The following SPTBN1 variants were observed in gnomAD, a reference collection of about 807,000 sequenced individuals.
SPTBN1 encodes the protein spectrin beta chain, non-erythrocytic 1.
In SPTBN1, 32 loss-of-function variants were observed where a neutral mutation model predicts 266.4. The observed-to-expected ratio is 0.12, with a 90% CI of 0.09 to 0.16. The LOEUF (loss-of-function observed/expected upper bound fraction) is 0.16, where lower values mean the gene tolerates loss of function less well. Ranked by LOEUF, SPTBN1 falls within the 10% of genes least tolerant of loss-of-function variation. The pLI is 1.00. For synonymous variants in SPTBN1, 1,336 were observed against 1,162.2 expected (o/e 1.15, Z -3.04); for missense variants, 2,296 against 3,067.1 (o/e 0.75, Z 5.94).
intron 1 of SPTBN1, among the ~76,000 whole-genome samples, chr2:54,508,747 G>A (rs538728693): frequency 1.6e-4 from 24 of 152,296 alleles, no homozygotes; most frequent in Admixed American, 1.4e-3. Flanking sequence ...TGGAACGCTA[G>A]CTGCTTTTTT....
At chr2:54,599,524 T>C (rs1211232775) in intron 3 of SPTBN1, among the ~76,000 whole-genome samples, 1 of 152,182 alleles carries the variant, frequency 6.6e-6, no homozygotes, top group Non-Finnish European at 1.5e-5. Context: ...GAACAGGGCA[T>C]GGTGCTGGAA....
rs191273975 is a variant in SPTBN1 at position 54,527,205 on chromosome 2, G to C, written c.148+639G>C. On this transcript the variant is annotated intron_variant, in intron 2 of 35. Transcript: ENST00000356805. ...CCTGAAAATCAGGAAAGCGTTCTGT[G>C]GCTCTGAAAACTCAGCTGTACTGAA... The C allele has an allele frequency of 1.1e-4, 16 of 152,282 alleles. No homozygotes were observed. In the East Asian group the frequency reaches 2.5e-3, roughly 24 times the overall value. The allele number at this position is 152,282 out of a possible 1,614,324, so 9.4% of individuals were successfully genotyped here.
At chr2:54,523,918 AGCCGG>A (rs975604772) in intron 1 of SPTBN1, among the ~76,000 whole-genome samples, 1 of 152,190 alleles carries the variant, frequency 6.6e-6, no homozygotes, top group African/African-American at 2.4e-5. Flanking sequence ...TGTTGATAAC[AGCCGG>A]GCATGGTGGC....
intron 2 of SPTBN1, among the ~76,000 whole-genome samples, chr2:54,546,844 A>C (rs1324393985): frequency 6.6e-6 from 1 of 152,154 alleles, no homozygotes; most frequent in African/African-American, 2.4e-5. Context: ...TTTGAGCTTC[A>C]GCATCATAGG....
At position 54,626,224 on chromosome 2, in the gene SPTBN1, A is replaced by G; in HGVS notation, c.1634A>G (p.Asp545Gly). The G allele has an allele frequency of 1.2e-6, 2 of 1,613,290 alleles. No individual in the cohort carries two copies. The highest frequency in any genetic ancestry group is 1.7e-6 in the Non-Finnish European group (2 of 1,179,282). The change falls in exon 12 of 36, where the codon GAT (aspartate) becomes GGT (glycine). Residue 545 changes from aspartate to glycine, a missense_variant. Coordinates refer to ENST00000356805, the MANE Select transcript of SPTBN1 (RefSeq NM_003128.3). This position sits in a 1 kb window ranked among gnomAD's most constrained non-coding sequence, Gnocchi z 4.7. ...ATGCTCTACATTATGGACTGGATGG[A>G]TGAAATGAAGGTAAAACCTGACCGA... ...QEMLYIMDWM[D>G]EMKVLVLSQD...
intron 1 of SPTBN1, among the ~76,000 whole-genome samples, chr2:54,473,682 T>A (rs1694041102): frequency 6.6e-6 from 1 of 152,220 alleles, no homozygotes; most frequent in Admixed American, 6.5e-5. Flanking sequence ...CACCATCTAT[T>A]AATTTAGAGT....
rs553899034 is a variant in SPTBN1, at chr2:54,561,890, C to A, written c.148+35324C>A. On this transcript the variant is annotated intron_variant, in intron 2 of 35. Coordinates refer to ENST00000356805, the MANE Select transcript of SPTBN1 (RefSeq NM_003128.3). ...TAAATAAGTGTGATTAAAAAAAAAA[C>A]CTCATTGAGATACAAGAGTGATGGC... Among the ~76,000 whole-genome samples the A allele has an allele frequency of 1.7e-3, 215 of 127,822 alleles. 7 individuals carry two copies. In the East Asian group the frequency reaches 0.04, roughly 24 times the overall value. 83.9% of individuals were successfully genotyped at this position (127,822 alleles called of 152,430 possible).
At chr2:54,544,771 TTTTTTA>T (rs1672138564) in intron 2 of SPTBN1, among the ~76,000 whole-genome samples, 1 of 152,196 alleles carries the variant, frequency 6.6e-6, no homozygotes, top group Non-Finnish European at 1.5e-5. Flanking sequence ...AAACTTTTAT[TTTTTTA>T]TTTTTATTTT....
At chr2:54,586,515 A>G (rs1298376704) in intron 2 of SPTBN1, among the ~76,000 whole-genome samples, 5 of 152,260 alleles carry the variant, frequency 3.3e-5, no homozygotes, top group Non-Finnish European at 7.3e-5. Flanking sequence ...CTTTGCAGAT[A>G]AATTTATACA....
intron 1 of SPTBN1, among the ~76,000 whole-genome samples, chr2:54,487,132 T>C (rs1417165356): frequency 6.6e-6 from 1 of 152,024 alleles, no homozygotes; most frequent in Non-Finnish European, 1.5e-5. Context: ...ATAAAATTTG[T>C]TTTTCTATAG....
intron 6 of SPTBN1, 138 bp from the exon 7 acceptor site, chr2:54,617,940 G>T (rs1677720574): frequency 2.8e-6 from 2 of 708,764 alleles, no homozygotes; most frequent in Admixed American, 6.0e-5. Context: ...ATTGTTTGAT[G>T]ATTCCATGAT....
chr2:54,508,356 T>G lies in SPTBN1; in HGVS notation c.-47-18016T>G, dbSNP rs181673412. Reference sequence around the variant, plus strand: ...CTCGAGGCATGTGAGTAAAGTCAATTTGCCAGTCCTGGGCGGGGCAAATCC... The same window carrying G: ...CTCGAGGCATGTGAGTAAAGTCAATGTGCCAGTCCTGGGCGGGGCAAATCC... On this transcript the variant is annotated intron_variant, in intron 1 of 35. Transcript: ENST00000356805. Among the ~76,000 whole-genome samples, 41 of 152,268 alleles carry G rather than the reference T, an allele frequency of 2.7e-4. No homozygotes were observed. The East Asian group carries it at 7.3e-3, about 27-fold the overall frequency.
In SPTBN1 at chr2:54,668,702, T is replaced by A; in HGVS notation, c.*133T>A. The A allele has an allele frequency of 1.7e-6, 1 of 601,034 alleles. No individual in the cohort carries two copies. Among genetic ancestry groups the A allele is most frequent in the African/African-American group, 2.0e-5 (1 of 50,790 alleles). 37.2% of individuals were successfully genotyped at this position (601,034 alleles called of 1,614,324 possible). A position where few individuals can be genotyped will look rare whatever the true frequency, so the allele number is the denominator to read the frequency against. On this transcript the variant is annotated 3_prime_UTR_variant, in exon 36 of 36. Transcript: ENST00000356805. ...TTGATTTTTTTTTTTTTTTAATTTA[T>A]AGAGCATTTCGGGGGGGGTGGGGGA...
chr2:54,661,063 A>C (rs150748664), intron 32 of SPTBN1: 20,359 of 985,428 alleles, frequency 0.021, 244 homozygotes, highest in Non-Finnish European at 0.023. Context: ...TGGCTTCAGA[A>C]GTCATGTCAG....
chr2:54,618,348 G>A (rs147052947), intron 7 of SPTBN1, among the ~76,000 whole-genome samples, 155 bp downstream of exon 7: 2 of 152,312 alleles, frequency 1.3e-5, no homozygotes, highest in Non-Finnish European at 2.9e-5. Context: ...TTATGGAAAG[G>A]ATGACACTCA....
intron 1 of SPTBN1, chr2:54,516,001 G>A (rs1471583986): frequency 3.3e-5 from 5 of 152,178 alleles, no homozygotes; most frequent in African/African-American, 1.2e-4. Context: ...AGACCTGGCT[G>A]GGTGGGTAAC....
intron 32 of SPTBN1, chr2:54,661,706 T>C: frequency 2.0e-6 from 2 of 985,802 alleles, no homozygotes; most frequent in South Asian, 4.7e-5. Context: ...TTGTGTTTCA[T>C]TGATCTATAT....
intron 1 of SPTBN1, among the ~76,000 whole-genome samples, chr2:54,512,790 T>G (rs1297943801): frequency 6.6e-6 from 1 of 152,240 alleles, no homozygotes; most frequent in Non-Finnish European, 1.5e-5. Flanking sequence ...GCACTATGTT[T>G]TAGAGTTAGA....
intron 11 of SPTBN1, 69 bp downstream of exon 11, chr2:54,625,031 G>A (rs1429069776): frequency 6.7e-7 from 1 of 1,502,482 alleles, no homozygotes. Context: ...ATCCCCAGGG[G>A]CATAGGGCCA....
Sources: allele counts gnomAD v4.1 joint callset (sites outside exome capture counted in the v4.1 genomes callset), GRCh38; gene constraint gnomAD v4.1.1; non-coding constraint Gnocchi (gnomAD v3.1); transcripts MANE v1.5; gene names NCBI Gene and HGNC (gene_info 2026-07-23, HGNC 2026-07-21).